MAP3K15: variants seen among roughly 807,000 people sequenced by gnomAD.
MAP3K15 encodes the protein mitogen-activated protein kinase kinase kinase 15, also known as MAPK/ERK kinase kinase 15.
A neutral mutation model predicts 99.5 loss-of-function variants in MAP3K15; 124 were observed. The observed-to-expected ratio is 1.25, with a 90% confidence interval of 1.08 to 1.45. MAP3K15 has a LOEUF of 1.45. MAP3K15 is among the 40% of genes most tolerant of loss of function. The probability of loss-of-function intolerance (pLI) is 0.00; values close to 1 mark genes in which losing one functional copy is unlikely to be tolerated. For synonymous variants in MAP3K15, 494 were observed against 439.6 expected (o/e 1.12, Z -1.55); for missense variants, 1,242 against 1,079.7 (o/e 1.15, Z -2.11).
intron 25 of MAP3K15, among the ~76,000 whole-genome samples, chrX:19,366,849 T>C (rs1221556694): frequency 2.7e-5 from 3 of 112,054 alleles, no homozygotes; most frequent in African/African-American, 9.7e-5. Flanking sequence ...GCCTAACCAA[T>C]TCCTCATTCC....
In MAP3K15 at chrX:19,418,201, T is replaced by A. The variant is rs189639565; in HGVS notation, c.1440-2944A>T. Among the ~76,000 whole-genome samples the A allele has an allele frequency of 3.9e-3, 437 of 111,625 alleles. 3 individuals carry two copies. Among genetic ancestry groups the A allele is most frequent in the African/African-American group, 0.013 (408 of 30,725 alleles). ...AACAAAGCTGGACGGAGAATGACTT[T>A]GACGAGTTAAGAGAAGAAGACTTCA... is the stretch of plus-strand genomic sequence containing the variant. On this transcript the variant is annotated intron_variant, in intron 9 of 28. Coordinates refer to ENST00000338883, the MANE Select transcript of MAP3K15 (RefSeq NM_001001671.4).
At chrX:19,455,540 T>TTTTTGAG (rs2064086691) in intron 6 of MAP3K15, among the ~76,000 whole-genome samples, 1 of 91,452 alleles carries the variant, frequency 1.1e-5, no homozygotes, top group Non-Finnish European at 2.1e-5. Context: ...TTTTTTTTTT[T>TTTTTGAG]GTAGAGACGG....
At chrX:19,503,158 T>C (rs1285167140) in intron 1 of MAP3K15, among the ~76,000 whole-genome samples, 1 of 111,907 alleles carries the variant, frequency 8.9e-6, no homozygotes, top group Non-Finnish European at 1.9e-5. Flanking sequence ...CTTTCTGACA[T>C]GAACTGCTAG....
At chrX:19,413,313 C>G in intron 11 of MAP3K15, 44 bp downstream of exon 11, 3 of 1,024,092 alleles carry the variant, frequency 2.9e-6, no homozygotes, top group Non-Finnish European at 2.7e-6. Flanking sequence ...CTAGACTCTC[C>G]TATTTGAAAA....
chrX:19,514,812 GGGGAGAAGGGCGA>G, intron 1 of MAP3K15, 76 bp downstream of exon 1: 1 of 266,301 alleles, frequency 3.8e-6, no homozygotes, highest in Non-Finnish European at 5.9e-6. Flanking sequence ...GAGGGGGACG[GGGGAGAAGGGCGA>G]GGGGGCGGGG....
At position 19,369,120 on chromosome X, in the gene MAP3K15, T is replaced by C. The variant is rs770538660; in HGVS notation, c.3500A>G (p.Gln1167Arg). 8.3e-7 allele frequency: 1 copy of C among 1,211,082 alleles called. No homozygotes were observed. Residue 1167 changes from glutamine (Q) to arginine (R), a missense_variant, in exon 25 of 29, where the codon CAG becomes CGG. Gln to Arg is a conservative substitution (Grantham distance 43, BLOSUM62 1). Transcript: ENST00000338883. ...EGYPPATGPG[Q>R]EAQPHQQHLS... is the part of the protein sequence containing the mutation. ...GTGCTGCTGGTGGGGCTGGGCCTCC[T>C]GGCCAGGTCCGGTGGCTGGGGGATA... is the stretch of plus-strand genomic sequence containing the variant.
At chrX:19,378,412 C>T (rs1040213354) in intron 19 of MAP3K15, among the ~76,000 whole-genome samples, 5 of 112,089 alleles carry the variant, frequency 4.5e-5, no homozygotes, top group African/African-American at 1.6e-4. Context: ...CACAGTTCCA[C>T]GCGGCTGGGG....
At chrX:19,361,621 T>C (rs2063289519) in intron 26 of MAP3K15, 28 bp from the exon 27 acceptor site, 16 of 1,033,585 alleles carry the variant, frequency 1.5e-5, no homozygotes, top group Non-Finnish European at 2.2e-5. Flanking sequence ...TTGTTATATA[T>C]TAGTCTAACC....
chrX:19,488,857 T>C lies in MAP3K15; in HGVS notation c.472A>G (p.Thr158Ala). The C allele has an allele frequency of 8.3e-7, 1 of 1,199,560 alleles. No homozygotes were observed. The highest frequency in any genetic ancestry group is 1.8e-5 in the South Asian group (1 of 56,863). Reference protein sequence around the residue: ...MANNVILYHDTDADTALSLKD... With the variant: ...MANNVILYHDADADTALSLKD... ...AAAGAGAGAGCAGTGTCGGCATCGG[T>C]GTCATGGTACAAGATCACATTATTG... Residue 158 changes from threonine (T) to alanine (A), a missense_variant, in exon 2 of 29, where the codon ACC (threonine) becomes GCC (alanine). By Grantham distance (58) the Thr-to-Ala change is moderately conservative. Coordinates refer to ENST00000338883, the MANE Select transcript of MAP3K15 (RefSeq NM_001001671.4).
At chrX:19,411,812 A>G (rs1225362172) in intron 11 of MAP3K15, among the ~76,000 whole-genome samples, 1 of 111,414 alleles carries the variant, frequency 9.0e-6, no homozygotes, top group Non-Finnish European at 1.9e-5. Flanking sequence ...GCTACAGTGG[A>G]GTGAGCGGGA....
intron 25 of MAP3K15, among the ~76,000 whole-genome samples, chrX:19,365,900 G>A (rs765741485): frequency 9.3e-5 from 10 of 107,814 alleles, no homozygotes; most frequent in Admixed American, 2.0e-4. Context: ...CCAGGTACTC[G>A]GGAGGCTGAG....
At chrX:19,483,864 G>A (rs1186891564) in intron 3 of MAP3K15, among the ~76,000 whole-genome samples, 1 of 111,777 alleles carries the variant, frequency 8.9e-6, no homozygotes, top group Admixed American at 9.5e-5. Flanking sequence ...AAAAGTAAAC[G>A]TCTCTTTTCT....
intron 13 of MAP3K15, among the ~76,000 whole-genome samples, chrX:19,404,426 A>G (rs1049994874): frequency 2.7e-5 from 3 of 111,980 alleles, no homozygotes; most frequent in Non-Finnish European, 5.6e-5. Context: ...AATGCTCTCC[A>G]AATTGATCTA....
At chrX:19,467,184 T>C (rs1169086674) in intron 3 of MAP3K15, among the ~76,000 whole-genome samples, 1 of 110,837 alleles carries the variant, frequency 9.0e-6, no homozygotes, top group African/African-American at 3.3e-5. Flanking sequence ...AATCTAAATC[T>C]TGTTAGTAAG....
intron 18 of MAP3K15, among the ~76,000 whole-genome samples, chrX:19,384,017 C>CA (rs2063477481): frequency 8.9e-6 from 1 of 111,957 alleles, no homozygotes; most frequent in African/African-American, 3.2e-5. Flanking sequence ...ATCAGTATAT[C>CA]AAAGAGATAT....
chrX:19,462,621 G>T (rs752724711), intron 4 of MAP3K15, among the ~76,000 whole-genome samples: 1 of 112,279 alleles, frequency 8.9e-6, no homozygotes, highest in Non-Finnish European at 1.9e-5. Flanking sequence ...ACTGGTTTGA[G>T]TATGGCTTGG....
chrX:19,376,284 C>T (rs958045419), intron 19 of MAP3K15, among the ~76,000 whole-genome samples: 6 of 110,732 alleles, frequency 5.4e-5, no homozygotes, highest in Non-Finnish European at 1.1e-4. Context: ...CTGAAACATG[C>T]AGGGAATCCC....
chrX:19,368,810 C>T lies in MAP3K15; in HGVS notation c.3566+244G>A, dbSNP rs923870265. 2.8e-5 allele frequency among the ~76,000 whole-genome samples: 3 copies of T among 107,737 alleles called. No individual in the cohort carries two copies. In the Admixed American group the frequency reaches 3.0e-4, roughly 11 times the overall value. 93.6% of individuals were successfully genotyped at this position (107,737 alleles called of 115,157 possible). Reference sequence around the variant, plus strand: ...TGAGTAATTTCTGTGTGGTCTGGGGCAAGGTACTATATATACCTCTCTGAT... The same window carrying T: ...TGAGTAATTTCTGTGTGGTCTGGGGTAAGGTACTATATATACCTCTCTGAT... On this transcript the variant is annotated intron_variant, in intron 25 of 28. Coordinates refer to ENST00000338883, the MANE Select transcript of MAP3K15 (RefSeq NM_001001671.4).
At chrX:19,483,841 C>T (rs1427619225) in intron 3 of MAP3K15, among the ~76,000 whole-genome samples, 1 of 111,851 alleles carries the variant, frequency 8.9e-6, no homozygotes, top group Admixed American at 9.5e-5. Context: ...ACTTCCATCC[C>T]ATCTGGAGTG....
Sources: gnomAD v4.1 joint callset for allele counts (sites outside exome capture counted in the v4.1 genomes callset) on GRCh38, gnomAD v4.1.1 for gene constraint, MANE v1.5 for transcripts, NCBI Gene and HGNC (gene_info 2026-07-23, HGNC 2026-07-21) for gene names.